SLC25A3: variants seen among roughly 807,000 people sequenced by gnomAD.
SLC25A3 encodes the protein phosphate transport protein.
SLC25A3 carries 14 observed loss-of-function variants against 37.1 expected under a neutral mutation model. The ratio of observed to expected loss-of-function variants is 0.38; its 90% CI spans 0.25 to 0.59. The LOEUF (loss-of-function observed/expected upper bound fraction) is 0.59. Ranked by LOEUF, SLC25A3 falls within the 20% of genes least tolerant of loss-of-function variation. SLC25A3 has a pLI of 0.67. For missense variants in SLC25A3, 385 were observed against 458.1 expected (o/e 0.84, Z 1.46); for synonymous variants, 161 against 168.7 (o/e 0.95, Z 0.36).
rs1242717630 is a variant in SLC25A3, at chr12:98,606,127, A to G, written c.*4599A>G. ...AACCTGTCTAAAAAAATAAAAATAA[A>G]TTGTATAATCATATTGCAATTTTCT... is the stretch of plus-strand genomic sequence containing the variant. On this transcript the variant is annotated 3_prime_UTR_variant, in exon 8 of 8. Coordinates refer to ENST00000552981, the MANE Select transcript of SLC25A3 (RefSeq NM_002635.4). The G allele has an allele frequency of 6.6e-6, 1 of 152,152 alleles. No individual in the cohort carries two copies. The highest frequency in any genetic ancestry group is 1.5e-5 in the Non-Finnish European group (1 of 68,018). 9.4% of individuals were successfully genotyped at this position (152,152 alleles called of 1,614,324 possible).
chr12:98,598,471 A>G, intron 4 of SLC25A3, 51 bp from the exon 5 acceptor site: 1 of 1,611,742 alleles, frequency 6.2e-7, no homozygotes. Flanking sequence ...ACTTCAATTG[A>G]AAACCAACAC....
In SLC25A3 at chr12:98,601,447, G is replaced by A. The variant is rs777248950; in HGVS notation, c.1005G>A (p.Val335=). ...TACAGTGGTTTATCTATGACTCCGTGAAGGTCTACTTCAGACTTCCTCGCC... is the reference window on the plus strand; with the variant it reads ...TACAGTGGTTTATCTATGACTCCGTAAAGGTCTACTTCAGACTTCCTCGCC... The part of the protein sequence containing the change: ...TALQWFIYDS[V]KVYFRLPRPP... Residue 335 remains valine (V), a synonymous_variant, in exon 8 of 8, where the codon GTG becomes GTA. Transcript: ENST00000552981. The A allele has an allele frequency of 1.2e-6, 2 of 1,614,120 alleles. No individual in the cohort carries two copies. Among genetic ancestry groups the A allele is most frequent in the East Asian group, 4.5e-5 (2 of 44,888 alleles).
intron 2 of SLC25A3, 27 bp from the exon 3 acceptor site, chr12:98,595,700 T>C (rs1303654249): frequency 6.2e-7 from 1 of 1,614,028 alleles, no homozygotes; most frequent in African/African-American, 1.3e-5. Context: ...TATATTAAAA[T>C]GCATGGTGTG....
chr12:98,594,135 G>A lies in SLC25A3; in HGVS notation c.157G>A (p.Glu53Lys). 1.9e-6 allele frequency: 3 copies of A among 1,608,836 alleles called. No individual in the cohort carries two copies. The highest frequency in any genetic ancestry group is 2.5e-6 in the Non-Finnish European group (3 of 1,177,700). The change falls in exon 2 of 8, where the codon GAG (glutamate) becomes AAG (lysine). Residue 53 changes from glutamate to lysine, a missense_variant and splice_region_variant. Transcript: ENST00000552981. ...PRNLAAAAVE[E>K]YSCEFGSAKY... The stretch of plus-strand genomic sequence containing the variant: ...CAACCTGGCAGCCGCCGCCGTGGAA[G>A]GTGAGATCAGACCCTGCCCAATACA...
rs1418581388 is a variant in SLC25A3 at position 98,595,737 on chromosome 12, T to G, written c.168T>G (p.Cys56Trp). The G allele has an allele frequency of 6.2e-7, 1 of 1,614,170 alleles. No individual in the cohort carries two copies. Among genetic ancestry groups the G allele is most frequent in the Non-Finnish European group, 8.5e-7 (1 of 1,179,998 alleles). ...LAAAAVEEYSCEFGSAKYYAL... is the reference protein window; with the variant it reads ...LAAAAVEEYSWEFGSAKYYAL... The stretch of plus-strand genomic sequence containing the variant: ...CTTCTCTTACTACAGAGTACAGTTG[T>G]GAATTTGGCTCCGCGAAGTATTATG... Residue 56 changes from cysteine to tryptophan, a missense_variant, in exon 3 of 8, where the codon TGT becomes TGG. Physicochemically the swap from Cys to Trp is radical, Grantham distance 215. Transcript: ENST00000552981.
chr12:98,595,371 C>G (rs1209389480), intron 2 of SLC25A3: 8 of 1,581,972 alleles, frequency 5.1e-6, no homozygotes, highest in Admixed American at 5.0e-5. Context: ...TTCTTTCATT[C>G]CAGTGGCCTT....
At chr12:98,599,085 G>C (rs944194877) in intron 5 of SLC25A3, among the ~76,000 whole-genome samples, 20 of 146,316 alleles carry the variant, frequency 1.4e-4, no homozygotes, top group Non-Finnish European at 1.5e-5. Context: ...CTTTGAGACG[G>C]AGTTTTGCTC....
At chr12:98,595,677 G>A (rs1461721693) in intron 2 of SLC25A3, 50 bp from the exon 3 acceptor site, 31 of 1,613,974 alleles carry the variant, frequency 1.9e-5, no homozygotes, top group Non-Finnish European at 2.6e-5. Flanking sequence ...TTTATGACCA[G>A]TAACATGAGT....
rs936455835 is a variant in SLC25A3 at position 98,604,456 on chromosome 12, CTA to C, written c.*2929_*2930del. The C allele has an allele frequency of 1.3e-5, 2 of 151,126 alleles. No homozygotes were observed. Among genetic ancestry groups the C allele is most frequent in the African/African-American group, 2.4e-5 (1 of 41,138 alleles). 9.4% of individuals were successfully genotyped at this position (151,126 alleles called of 1,614,324 possible). ...ATTGAACAGAAGAGTAACAGCTTAA[CTA>C]AACCTCCATTGTGTGAAAGTTTTAT... On this transcript the variant is annotated 3_prime_UTR_variant, in exon 8 of 8. Coordinates refer to ENST00000552981, the MANE Select transcript of SLC25A3 (RefSeq NM_002635.4).
intron 3 of SLC25A3, 82 bp from the exon 4 acceptor site, chr12:98,597,774 C>T: frequency 6.4e-7 from 1 of 1,560,504 alleles, no homozygotes. Flanking sequence ...ATTATGGAAC[C>T]CAAACAAAAA....
intron 2 of SLC25A3, chr12:98,594,656 T>TA (rs2097591432): frequency 4.9e-6 from 2 of 405,128 alleles, no homozygotes; most frequent in African/African-American, 4.0e-5. Flanking sequence ...CTTGCAGCCC[T>TA]ACATAGGCAA....
At chr12:98,596,263 T>C (rs1434483281) in intron 3 of SLC25A3, among the ~76,000 whole-genome samples, 1 of 152,274 alleles carries the variant, frequency 6.6e-6, no homozygotes, top group Non-Finnish European at 1.5e-5. Flanking sequence ...GTGCTCTTAA[T>C]ATCTTAGTAT....
Position 98,601,459 on chromosome 12 carries a change from C to T in SLC25A3, c.1017C>T (p.Phe339=), listed in dbSNP as rs370219231. Residue 339 remains phenylalanine, a synonymous_variant, in exon 8 of 8, where the codon TTC becomes TTT. Transcript: ENST00000552981. ...TCTATGACTCCGTGAAGGTCTACTT[C>T]AGACTTCCTCGCCCTCCTCCACCCG... is the stretch of plus-strand genomic sequence containing the variant. ...WFIYDSVKVY[F]RLPRPPPPEM... is the part of the protein sequence containing the mutation. 2 of 1,613,954 alleles carry T rather than the reference C, an allele frequency of 1.2e-6. No individual in the cohort carries two copies. Among genetic ancestry groups the T allele is most frequent in the Non-Finnish European group, 1.7e-6 (2 of 1,179,980 alleles).
chr12:98,598,038 A>G lies in SLC25A3; in HGVS notation c.459+3A>G. 2 of 1,612,854 alleles carry G rather than the reference A, an allele frequency of 1.2e-6. No individual in the cohort carries two copies. The highest frequency in any genetic ancestry group is 4.5e-5 in the East Asian group (2 of 44,880). ...TGTATAGCAATATGCTTGGAGAGGT[A>G]TGTAATTAACTTTAAAATTGAATGT... On this transcript the variant is annotated splice_donor_region_variant and intron_variant, in intron 4 of 7. Transcript: ENST00000552981.
At chr12:98,595,354 A>G in intron 2 of SLC25A3, 1 of 1,510,626 alleles carries the variant, frequency 6.6e-7, no homozygotes, top group Non-Finnish European at 9.2e-7. Flanking sequence ...TCTCACAGGG[A>G]AACATTTTCT....
chr12:98,601,050 C>T (rs1446530577), intron 6 of SLC25A3, 121 bp from the exon 7 acceptor site: 2 of 1,142,556 alleles, frequency 1.8e-6, no homozygotes, highest in African/African-American at 3.1e-5. Flanking sequence ...CCGTGTCACC[C>T]TGAGTCTGAT....
At chr12:98,595,955 GGAAA>G in intron 3 of SLC25A3, 107 bp downstream of exon 3, 1 of 1,000,664 alleles carries the variant, frequency 1.0e-6, no homozygotes, top group Non-Finnish European at 1.6e-6. Flanking sequence ...AACTTCAGTA[GGAAA>G]CCACATAGAA....
chr12:98,600,513 A>T (rs1364582245), intron 6 of SLC25A3, among the ~76,000 whole-genome samples: 2 of 152,170 alleles, frequency 1.3e-5, no homozygotes, highest in African/African-American at 2.4e-5. Flanking sequence ...CCTGGGTTCA[A>T]GCGATTCTCC....
In SLC25A3 at chr12:98,601,041, C is replaced by T. The variant is rs189045571; in HGVS notation, c.815-130C>T. 2.0e-4 allele frequency: 203 copies of T among 995,212 alleles called. 1 individual carries two copies. The East Asian group carries it at 2.6e-3, about 13-fold the overall frequency. 61.6% of individuals were successfully genotyped at this position (995,212 alleles called of 1,614,324 possible). A position where few individuals can be genotyped will look rare whatever the true frequency, so the allele number is the denominator to read the frequency against. On this transcript the variant is annotated intron_variant, in intron 6 of 7. Transcript: ENST00000552981. ...GGATAGACAGCTTGATAACTGTACC[C>T]GTGTCACCCTGAGTCTGATTTTTAT...
Sources: allele counts gnomAD v4.1 joint callset (sites outside exome capture counted in the v4.1 genomes callset), GRCh38; gene constraint gnomAD v4.1.1; transcripts MANE v1.5; gene names NCBI Gene and HGNC (gene_info 2026-07-23, HGNC 2026-07-21).